Variants in GULP1 observed in about 807,000 individuals in gnomAD.
GULP1 encodes the protein PTB domain-containing engulfment adapter protein 1.
Under a neutral mutation model 40.9 loss-of-function variants are expected in GULP1, and 19 were observed. The ratio of observed to expected loss-of-function variants is 0.46; its 90% CI spans 0.32 to 0.68. The LOEUF (loss-of-function observed/expected upper bound fraction) is 0.68. Among genes scored for constraint, GULP1 ranks in the 30% least tolerant of loss-of-function variants. The pLI is 0.03. For synonymous variants in GULP1, 119 were observed against 117.6 expected, an observed-to-expected ratio of 1.01 and a Z score of -0.08; for missense variants, 312 against 362.2, an observed-to-expected ratio of 0.86 and a Z score of 1.12.
chr2:188,440,254 T>C (rs1485236877), intron 2 of GULP1, among the ~76,000 whole-genome samples: 1 of 152,228 alleles, frequency 6.6e-6, no homozygotes, highest in Non-Finnish European at 1.5e-5. Flanking sequence ...GCAGAGAGGA[T>C]AACTGTTAAA....
At chr2:188,416,795 A>G (rs1575115868) in intron 2 of GULP1, among the ~76,000 whole-genome samples, 1 of 152,212 alleles carries the variant, frequency 6.6e-6, no homozygotes, top group East Asian at 1.9e-4. Flanking sequence ...AGAAAAGTGA[A>G]CAAAAAGCAC....
chr2:188,584,432 T>G (rs1398880176), intron 10 of GULP1, 29 bp downstream of exon 10: 1 of 1,379,048 alleles, frequency 7.3e-7, no homozygotes, highest in African/African-American at 1.4e-5. Context: ...TCAAAGTTTC[T>G]TGTTATAGTT....
At chr2:188,442,257 T>C (rs1369883274) in intron 2 of GULP1, among the ~76,000 whole-genome samples, 1 of 152,182 alleles carries the variant, frequency 6.6e-6, no homozygotes, top group East Asian at 1.9e-4. Flanking sequence ...CGTAAGGTAA[T>C]GTGGTTGTTA....
intron 4 of GULP1, among the ~76,000 whole-genome samples, chr2:188,521,748 C>A (rs2065801953): frequency 6.6e-6 from 1 of 152,132 alleles, no homozygotes; most frequent in Non-Finnish European, 1.5e-5. Context: ...ACAGTCAAAC[C>A]ATATCACTTA....
chr2:188,591,703 G>A (rs928095360), intron 11 of GULP1: 1 of 150,922 alleles, frequency 6.6e-6, no homozygotes. Context: ...AAATTATATG[G>A]CATAAATATA....
intron 2 of GULP1, among the ~76,000 whole-genome samples, chr2:188,414,758 T>G (rs1391046450): frequency 6.6e-6 from 1 of 152,244 alleles, no homozygotes; most frequent in South Asian, 2.1e-4. Context: ...TCTGTGTTAA[T>G]GAATCTGTGT....
At chr2:188,463,712 TCTGA>T (rs1438478228) in intron 2 of GULP1, among the ~76,000 whole-genome samples, 1 of 152,052 alleles carries the variant, frequency 6.6e-6, no homozygotes, top group Non-Finnish European at 1.5e-5. Flanking sequence ...GTTTTTCTCC[TCTGA>T]CTGTGTGCTT....
At chr2:188,387,987 G>A (rs544609147) in intron 2 of GULP1, among the ~76,000 whole-genome samples, 7 of 151,598 alleles carry the variant, frequency 4.6e-5, no homozygotes, top group African/African-American at 7.3e-5. Context: ...CCGTTAACTC[G>A]TCATTTAGCA....
chr2:188,576,373 C>CT (rs1214340917), intron 9 of GULP1, among the ~76,000 whole-genome samples: 5 of 152,078 alleles, frequency 3.3e-5, no homozygotes. Flanking sequence ...TATGAGACTA[C>CT]TTTTTTGTTC....
At chr2:188,547,585 T>C (rs1320484419) in intron 7 of GULP1, among the ~76,000 whole-genome samples, 1 of 152,110 alleles carries the variant, frequency 6.6e-6, no homozygotes, top group African/African-American at 2.4e-5. Flanking sequence ...CTGCTTTATA[T>C]TCTGGCTGCA....
intron 4 of GULP1, among the ~76,000 whole-genome samples, chr2:188,516,438 TTTGA>T (rs762228167): frequency 4.6e-5 from 7 of 152,294 alleles, no homozygotes; most frequent in Admixed American, 3.3e-4. Flanking sequence ...TCTCTAGTGC[TTTGA>T]TGGTAAGCCT....
intron 4 of GULP1, among the ~76,000 whole-genome samples, chr2:188,494,946 A>G (rs183424902): frequency 1.3e-5 from 2 of 152,134 alleles, no homozygotes; most frequent in East Asian, 2.0e-4. Context: ...TGGAAGACTT[A>G]CCTGATACCA....
chr2:188,437,183 G>A (rs186978378), intron 2 of GULP1, among the ~76,000 whole-genome samples: 1 of 152,072 alleles, frequency 6.6e-6, no homozygotes, highest in Non-Finnish European at 1.5e-5. Flanking sequence ...TCATAGAAAT[G>A]TTAACACTTA....
At chr2:188,303,718 T>C (rs1327994238) in intron 1 of GULP1, among the ~76,000 whole-genome samples, 2 of 152,244 alleles carry the variant, frequency 1.3e-5, no homozygotes, top group Non-Finnish European at 2.9e-5. Flanking sequence ...CAGTTATTGA[T>C]GGCGACATTT....
intron 4 of GULP1, among the ~76,000 whole-genome samples, chr2:188,489,055 T>C: frequency 6.6e-6 from 1 of 151,920 alleles, no homozygotes; most frequent in Admixed American, 6.6e-5. Context: ...TGAGAACATA[T>C]GATAAATTAC....
chr2:188,388,068 C>T (rs2152532345), intron 2 of GULP1, among the ~76,000 whole-genome samples: 1 of 116,718 alleles, frequency 8.6e-6, no homozygotes, highest in Non-Finnish European at 1.6e-5. Context: ...GTGTGATGTT[C>T]CCCTTCCTGT....
At chr2:188,455,216 C>G (rs191871596) in intron 2 of GULP1, among the ~76,000 whole-genome samples, 1 of 152,258 alleles carries the variant, frequency 6.6e-6, no homozygotes. Flanking sequence ...TACCTAGGTG[C>G]ATATTTCCCC....
At chr2:188,319,688 G>A (rs777234800) in intron 1 of GULP1, among the ~76,000 whole-genome samples, 3 of 152,046 alleles carry the variant, frequency 2.0e-5, no homozygotes, top group African/African-American at 4.8e-5. Flanking sequence ...TGTTTGCCAA[G>A]TTTGCCTACA....
intron 2 of GULP1, among the ~76,000 whole-genome samples, chr2:188,397,360 G>T (rs931515518): frequency 2.6e-5 from 4 of 152,262 alleles, no homozygotes; most frequent in Admixed American, 2.6e-4. Flanking sequence ...TCTATGTGCT[G>T]TGTACCTTAA....
Sources: gnomAD v4.1 joint callset for allele counts (sites outside exome capture counted in the v4.1 genomes callset) on GRCh38, gnomAD v4.1.1 for gene constraint, MANE v1.5 for transcripts, NCBI Gene and HGNC (gene_info 2026-07-23, HGNC 2026-07-21) for gene names.